The following ARHGAP36 variants were observed in gnomAD, a reference collection of about 807,000 sequenced individuals.
ARHGAP36 encodes the protein rho GTPase-activating protein 36.
Under a neutral mutation model 32.9 loss-of-function variants are expected in ARHGAP36, and 7 were observed. The ratio of observed to expected loss-of-function variants is 0.21; its 90% confidence interval spans 0.12 to 0.40. The LOEUF is 0.40. Among genes scored for constraint, ARHGAP36 ranks in the 10% least tolerant of loss-of-function variants. The probability of loss-of-function intolerance (pLI) is 1.00; values close to 1 mark genes in which losing one functional copy is unlikely to be tolerated. For synonymous variants in ARHGAP36, 165 were observed against 168.3 expected (o/e 0.98, Z 0.15); for missense variants, 383 against 442.2 (o/e 0.87, Z 1.20).
intron 1 of ARHGAP36, among the ~76,000 whole-genome samples, chrX:131,061,552 C>T (rs1440015973): frequency 1.8e-5 from 2 of 111,771 alleles, no homozygotes; most frequent in African/African-American, 3.3e-5. Context: ...GACCCTGGGG[C>T]GCACTTTACA....
chrX:131,080,398 TAAA>T (rs138310432), intron 1 of ARHGAP36, among the ~76,000 whole-genome samples: 202 of 102,737 alleles, frequency 2.0e-3, no homozygotes, highest in Non-Finnish European at 2.5e-3. Flanking sequence ...GTTAAATCTT[TAAA>T]AAAAAAAAAA....
intron 1 of ARHGAP36, among the ~76,000 whole-genome samples, chrX:131,059,430 C>G (rs2079657170): frequency 9.1e-6 from 1 of 110,198 alleles, no homozygotes; most frequent in Admixed American, 9.6e-5. Flanking sequence ...CGTCATTGGG[C>G]ACCAGCCATA....
chrX:131,074,417 A>C (rs2079750404), intron 1 of ARHGAP36, among the ~76,000 whole-genome samples: 1 of 109,356 alleles, frequency 9.1e-6, no homozygotes, highest in African/African-American at 3.4e-5. Flanking sequence ...GTGTGTGTAC[A>C]TGGATGTCTG....
chrX:131,085,130 G>C, intron 7 of ARHGAP36, 66 bp downstream of exon 7: 1 of 1,105,706 alleles, frequency 9.0e-7, no homozygotes. Context: ...GGGGGTTCTA[G>C]GGACAGAGCT....
At chrX:131,077,013 G>A (rs1013924906) in intron 1 of ARHGAP36, among the ~76,000 whole-genome samples, 3 of 111,965 alleles carry the variant, frequency 2.7e-5, no homozygotes, top group African/African-American at 9.7e-5. Context: ...ATCTTGGAGC[G>A]TCATCACCAC....
intron 1 of ARHGAP36, among the ~76,000 whole-genome samples, chrX:131,070,994 A>T (rs759249815): frequency 9.1e-6 from 1 of 110,252 alleles, no homozygotes; most frequent in South Asian, 4.0e-4. Flanking sequence ...CTAAAATCTC[A>T]CATTAAAAAG....
At chrX:131,082,340 A>G (rs1295145466) in intron 2 of ARHGAP36, among the ~76,000 whole-genome samples, 1 of 112,351 alleles carries the variant, frequency 8.9e-6, no homozygotes, top group Non-Finnish European at 1.9e-5. Context: ...ATAGCAAGAC[A>G]GTGCGTGAGA....
intron 3 of ARHGAP36, 89 bp from the exon 4 acceptor site, chrX:131,083,645 C>A: frequency 1.1e-6 from 1 of 951,601 alleles, no homozygotes; most frequent in Non-Finnish European, 1.5e-6. Context: ...CGGGTGGTTG[C>A]TGGGAGGAGT....
chrX:131,084,923 G>A lies in ARHGAP36; in HGVS notation c.814G>A (p.Glu272Lys). 1.7e-6 allele frequency: 2 copies of A among 1,211,787 alleles called. No individual in the cohort carries two copies. Among genetic ancestry groups the A allele is most frequent in the Non-Finnish European group, 2.2e-6 (2 of 895,509 alleles). The change falls in exon 7 of 12, where the codon GAA becomes AAA. Residue 272 changes from glutamate to lysine, a missense_variant. Physicochemically the swap from Glu to Lys is moderately conservative, Grantham distance 56. This residue lies in a region of ARHGAP36 where 227 missense variants were observed against 311.3 expected (regional missense o/e 0.73). Transcript: ENST00000276211. ...SVQRVRQLRE[E>K]FDQGLDVVLD... ...CTTCTCCTTTTCCTAGCTCCGTGAA[G>A]AATTTGATCAAGGTCTGGATGTAGT...
At chrX:131,065,237 T>C (rs918835902) in intron 1 of ARHGAP36, among the ~76,000 whole-genome samples, 1 of 111,983 alleles carries the variant, frequency 8.9e-6, no homozygotes, top group African/African-American at 3.3e-5. Context: ...GCCTGGAGCT[T>C]TTGGCTTCTT....
intron 1 of ARHGAP36, among the ~76,000 whole-genome samples, chrX:131,062,904 C>T (rs1264340368): frequency 1.8e-5 from 2 of 111,614 alleles, no homozygotes; most frequent in Admixed American, 9.5e-5. Flanking sequence ...GATCTGACTT[C>T]GAAGCTTGAG....
chrX:131,081,411 T>G, intron 1 of ARHGAP36, 113 bp from the exon 2 acceptor site: 2 of 590,872 alleles, frequency 3.4e-6, no homozygotes, highest in African/African-American at 2.3e-5. Context: ...CTCTTTTATT[T>G]TTTCTTCTTA....
chrX:131,078,374 C>T (rs1363197116), intron 1 of ARHGAP36, among the ~76,000 whole-genome samples: 1 of 112,052 alleles, frequency 8.9e-6, no homozygotes, highest in Non-Finnish European at 1.9e-5. Context: ...AAGTATTTGT[C>T]TAAAGATAGT....
At position 131,058,365 on chromosome X, in the gene ARHGAP36, T is replaced by C; in HGVS notation, c.-222T>C. 8.9e-7 allele frequency: 1 copy of C among 1,125,068 alleles called. No homozygotes were observed. Among genetic ancestry groups the C allele is most frequent in the East Asian group, 3.7e-5 (1 of 27,225 alleles). The allele number at this position is 1,125,068 out of a possible 1,213,427, so 92.7% of individuals were successfully genotyped here. On this transcript the variant is annotated 5_prime_UTR_variant, in exon 1 of 12. Coordinates refer to ENST00000276211, the MANE Select transcript of ARHGAP36 (RefSeq NM_144967.4). The stretch of plus-strand genomic sequence containing the variant: ...GACGACGCAAAGGTTAACTGCGAGC[T>C]GCCGGGCACTCAGCGCGGGTCATGG...
chrX:131,084,049 T>C lies in ARHGAP36; in HGVS notation c.555+80T>C, dbSNP rs1483481273. 1.3e-5 allele frequency: 14 copies of C among 1,106,235 alleles called. No individual in the cohort carries two copies. The East Asian group carries it at 3.8e-4, about 30-fold the overall frequency. 91.2% of individuals were successfully genotyped at this position (1,106,235 alleles called of 1,213,427 possible). ...TGTGAGGCCGGAGGATCAAGGCCTG[T>C]GCCCTCAGAGGCAGGGGGGAGCTGA... On this transcript the variant is annotated intron_variant, in intron 4 of 11. Transcript: ENST00000276211.
chrX:131,085,769 G>A, intron 8 of ARHGAP36, 33 bp downstream of exon 8: 1 of 1,204,390 alleles, frequency 8.3e-7, no homozygotes. Flanking sequence ...AGTGAAAACT[G>A]TAGTAGGGGA....
intron 1 of ARHGAP36, among the ~76,000 whole-genome samples, chrX:131,079,054 G>T (rs2079780500): frequency 8.9e-6 from 1 of 111,776 alleles, no homozygotes; most frequent in Non-Finnish European, 1.9e-5. Context: ...TGGATGATCA[G>T]ATCTGGTAAG....
At chrX:131,073,205 T>A (rs1225731726) in intron 1 of ARHGAP36, among the ~76,000 whole-genome samples, 2 of 112,967 alleles carry the variant, frequency 1.8e-5, no homozygotes, top group Non-Finnish European at 3.8e-5. Flanking sequence ...ATTTTTCTAA[T>A]TCTCAGAGGA....
chrX:131,084,078 C>T (rs1335526738), intron 4 of ARHGAP36, 109 bp downstream of exon 4: 45 of 1,050,036 alleles, frequency 4.3e-5, no homozygotes, highest in Non-Finnish European at 5.5e-5. Context: ...GAGCTGAACA[C>T]AATATGTTGA....
Sources: gnomAD v4.1 joint callset for allele counts (sites outside exome capture counted in the v4.1 genomes callset) on GRCh38, gnomAD v4.1.1 for gene constraint, gnomAD v4.1.1 regional missense constraint, MANE v1.5 for transcripts, NCBI Gene and HGNC (gene_info 2026-07-23, HGNC 2026-07-21) for gene names.